The following PSMD14 variants were observed in gnomAD, a reference collection of about 807,000 sequenced individuals.
PSMD14 encodes ubiquitin C-terminal hydrolase PSMD14.
Under a neutral mutation model 41.2 loss-of-function variants are expected in PSMD14, and 7 were observed. That is an observed-to-expected ratio of 0.17 (90% CI 0.10 to 0.32). The LOEUF (loss-of-function observed/expected upper bound fraction) is 0.32. Among genes scored for constraint, PSMD14 ranks in the 10% least tolerant of loss-of-function variants. PSMD14 has a pLI of 1.00. For missense variants in PSMD14, 139 were observed against 375.6 expected, an observed-to-expected ratio of 0.37 and a Z score of 5.21; for synonymous variants, 114 against 122.3, an observed-to-expected ratio of 0.93 and a Z score of 0.45.
intron 6 of PSMD14, 112 bp from the exon 7 acceptor site, chr2:161,371,060 G>A: frequency 3.3e-6 from 4 of 1,208,174 alleles, no homozygotes; most frequent in African/African-American, 1.5e-5. Context: ...TTTCACACCT[G>A]TGTGTTTTTC....
chr2:161,356,999 G>A (rs891297985), intron 3 of PSMD14, among the ~76,000 whole-genome samples: 1 of 149,190 alleles, frequency 6.7e-6, no homozygotes, highest in African/African-American at 2.5e-5. Flanking sequence ...AACTAATAGT[G>A]TTAACAAATT....
chr2:161,363,476 T>G (rs1043227118), intron 3 of PSMD14, among the ~76,000 whole-genome samples: 4 of 152,254 alleles, frequency 2.6e-5, no homozygotes, highest in Admixed American at 2.6e-4. Context: ...TATCTTGGTC[T>G]GTCCTCCAGC....
intron 3 of PSMD14, among the ~76,000 whole-genome samples, chr2:161,351,729 C>T (rs140048225): frequency 4.3e-4 from 66 of 152,236 alleles, no homozygotes; most frequent in African/African-American, 1.4e-3. Context: ...CTACATGGGT[C>T]GTCTGGGTGC....
At chr2:161,376,269 A>G (rs1450180440) in intron 7 of PSMD14, among the ~76,000 whole-genome samples, 2 of 151,622 alleles carry the variant, frequency 1.3e-5, no homozygotes, top group African/African-American at 4.8e-5. Context: ...CAGATTTTTC[A>G]TCTATATAAC....
intron 9 of PSMD14, among the ~76,000 whole-genome samples, chr2:161,392,694 T>C (rs1274532101): frequency 6.6e-6 from 1 of 152,136 alleles, no homozygotes; most frequent in African/African-American, 2.4e-5. Flanking sequence ...AAGGGGATCT[T>C]ATAATGCTCT....
chr2:161,338,370 CTT>C (rs1682899039), intron 3 of PSMD14, among the ~76,000 whole-genome samples: 1 of 132,502 alleles, frequency 7.5e-6, no homozygotes, highest in African/African-American at 2.8e-5. Context: ...GAAAGAAAAA[CTT>C]CTCTTAAAAT....
intron 1 of PSMD14, among the ~76,000 whole-genome samples, chr2:161,313,391 C>G (rs1689111532): frequency 6.6e-6 from 1 of 151,932 alleles, no homozygotes; most frequent in Non-Finnish European, 1.5e-5. Flanking sequence ...GCTGTGTCGC[C>G]CAGGCTGGAG....
At chr2:161,397,271 A>G (rs1683813700) in intron 10 of PSMD14, among the ~76,000 whole-genome samples, 2 of 152,324 alleles carry the variant, frequency 1.3e-5, no homozygotes, top group Non-Finnish European at 1.5e-5. Context: ...CTACCCAAAC[A>G]AAAGGTACGA....
chr2:161,352,162 A>G (rs945506128), intron 3 of PSMD14, among the ~76,000 whole-genome samples: 45 of 152,218 alleles, frequency 3.0e-4, no homozygotes, highest in African/African-American at 1.0e-3. Flanking sequence ...TTAACCTCAC[A>G]ATAATGAAAT....
At chr2:161,336,196 G>A (rs1682866590) in intron 3 of PSMD14, among the ~76,000 whole-genome samples, 2 of 151,926 alleles carry the variant, frequency 1.3e-5, no homozygotes, top group African/African-American at 2.4e-5. Context: ...TGAATTATAT[G>A]TATATATATA....
Position 161,411,388 on chromosome 2 carries a change from C to A in PSMD14, c.921C>A (p.Val307=). 6.2e-7 allele frequency: 1 copy of A among 1,604,438 alleles called. No individual in the cohort carries two copies. Among genetic ancestry groups the A allele is most frequent in the South Asian group, 1.1e-5 (1 of 90,128 alleles). Residue 307 remains valine, a synonymous_variant, in exon 12 of 12, where the codon GTC becomes GTA. Coordinates refer to ENST00000409682, the MANE Select transcript of PSMD14 (RefSeq NM_005805.6). ...GTTTAGCAGCTATGTTGGATACTGT[C>A]GTATTTAAATAAAGCAACGAAAAAC... ...VQCLAAMLDT[V]VFK
intron 6 of PSMD14, among the ~76,000 whole-genome samples, chr2:161,370,955 G>A (rs963393205): frequency 2.6e-5 from 4 of 152,132 alleles, no homozygotes; most frequent in Non-Finnish European, 4.4e-5. Context: ...CTGCTAATGT[G>A]CATCTCTTAA....
chr2:161,344,497 G>A (rs558925326), intron 3 of PSMD14, among the ~76,000 whole-genome samples: 18 of 152,322 alleles, frequency 1.2e-4, no homozygotes, highest in Non-Finnish European at 2.4e-4. Context: ...ATAGGAAGGA[G>A]GGGGCACAAA....
chr2:161,314,377 TAATC>T (rs894764167), intron 1 of PSMD14, among the ~76,000 whole-genome samples: 2 of 152,226 alleles, frequency 1.3e-5, no homozygotes, highest in Admixed American at 6.5e-5. Flanking sequence ...CTTTAAAAAA[TAATC>T]TATTAAGGGG....
chr2:161,344,592 A>C (rs945084815), intron 3 of PSMD14, among the ~76,000 whole-genome samples: 1 of 150,218 alleles, frequency 6.7e-6, no homozygotes, highest in Non-Finnish European at 1.5e-5. Context: ...AAGAGAGTTA[A>C]ATAAGAAATA....
intron 3 of PSMD14, among the ~76,000 whole-genome samples, chr2:161,331,659 G>T (rs761101080): frequency 6.6e-6 from 1 of 152,156 alleles, no homozygotes; most frequent in Admixed American, 6.5e-5. Context: ...GAGACAGTCA[G>T]ATACTGTGAA....
At chr2:161,355,219 G>A (rs6709356) in intron 3 of PSMD14, among the ~76,000 whole-genome samples, 93,588 of 151,876 alleles carry the variant, frequency 0.62, 29,961 homozygotes, top group Non-Finnish European at 0.7. Context: ...GTATATTTCA[G>A]CAGTGGGTGA....
chr2:161,374,151 G>A (rs1227685130), intron 7 of PSMD14, among the ~76,000 whole-genome samples: 2 of 151,870 alleles, frequency 1.3e-5, no homozygotes, highest in Non-Finnish European at 2.9e-5. Flanking sequence ...TGTAATCAGA[G>A]TAACTGCAGA....
At chr2:161,334,242 A>C (rs867452102) in intron 3 of PSMD14, among the ~76,000 whole-genome samples, 2 of 152,340 alleles carry the variant, frequency 1.3e-5, no homozygotes, top group Middle Eastern at 6.8e-3. Context: ...AGGCTGAGGC[A>C]GGAGAATCAC....
Sources: allele counts gnomAD v4.1 joint callset (sites outside exome capture counted in the v4.1 genomes callset), GRCh38; gene constraint gnomAD v4.1.1; transcripts MANE v1.5; gene names NCBI Gene and HGNC (gene_info 2026-07-23, HGNC 2026-07-21).